The following FER1L6 variants were observed in gnomAD, a reference collection of about 807,000 sequenced individuals.
The protein encoded by FER1L6 is fer-1 like family member 6, also known as fer-1-like protein 6.
A neutral mutation model predicts 219.2 loss-of-function variants in FER1L6; 177 were observed. That is an observed-to-expected ratio of 0.81 (90% CI 0.71 to 0.91). FER1L6 has a LOEUF of 0.91. Among genes scored for constraint, FER1L6 ranks in the 40% least tolerant of loss-of-function variants. FER1L6 has a pLI of 0.00. For synonymous variants in FER1L6, 768 were observed against 824.3 expected, an observed-to-expected ratio of 0.93 and a Z score of 1.17; for missense variants, 2,153 against 2,259.9, an observed-to-expected ratio of 0.95 and a Z score of 0.96.
chr8:123,917,670 A>G (rs1319815205), intron 1 of FER1L6, among the ~76,000 whole-genome samples: 1 of 152,250 alleles, frequency 6.6e-6, no homozygotes, highest in Non-Finnish European at 1.5e-5. Context: ...AAAAAGTAAA[A>G]TTAATCCCAA....
Position 124,018,950 on chromosome 8 carries a change from C to T in FER1L6, c.2013+1232C>T, listed in dbSNP as rs143001829. 2.6e-3 allele frequency among the ~76,000 whole-genome samples: 393 copies of T among 152,342 alleles called. 4 individuals carry two copies. Among genetic ancestry groups the T allele is most frequent in the South Asian group, 8.7e-3 (42 of 4,826 alleles). On this transcript the variant is annotated intron_variant, in intron 16 of 40. Coordinates refer to ENST00000522917, the MANE Select transcript of FER1L6 (RefSeq NM_001039112.2). ...TCTGGAACGAACTCCACTTCTTCAT[C>T]TTCAGAGTCACTGTCTAAACTGAGT...
chr8:124,072,331 T>TGAC (rs1335601374), intron 31 of FER1L6, among the ~76,000 whole-genome samples: 1 of 152,320 alleles, frequency 6.6e-6, no homozygotes, highest in South Asian at 2.1e-4. Flanking sequence ...TTTCTGATAA[T>TGAC]GACAGCACAA....
chr8:124,075,273 G>A (rs544625370), intron 31 of FER1L6, among the ~76,000 whole-genome samples: 2 of 147,598 alleles, frequency 1.4e-5, no homozygotes, highest in South Asian at 2.2e-4. Flanking sequence ...ATCCTTAGTC[G>A]ATTAGCTTTT....
intron 1 of FER1L6, among the ~76,000 whole-genome samples, chr8:123,940,903 G>A (rs114869760): frequency 6.1e-4 from 93 of 152,242 alleles, no homozygotes; most frequent in African/African-American, 2.0e-3. Context: ...GGGAAGGAAA[G>A]GCATGGAGGA....
chr8:124,083,878 C>G (rs1036716698), intron 33 of FER1L6, among the ~76,000 whole-genome samples: 1 of 152,156 alleles, frequency 6.6e-6, no homozygotes, highest in African/African-American at 2.4e-5. Flanking sequence ...GACATTTTAA[C>G]AGTACTGATT....
chr8:124,098,185 C>T lies in FER1L6; in HGVS notation c.4883+302C>T, dbSNP rs147177841. Among the ~76,000 whole-genome samples, 6 of 152,250 alleles carry T rather than the reference C, an allele frequency of 3.9e-5. No homozygotes were observed. In the East Asian group the frequency reaches 1.2e-3, roughly 29 times the overall value. On this transcript the variant is annotated intron_variant, in intron 37 of 40. Transcript: ENST00000522917. ...ATATCTACCTTTAAACAAAAGGAAG[C>T]AGAGTGATGTGGTGCTGTTAATGAA...
intron 15 of FER1L6, 189 bp downstream of exon 15, chr8:124,013,720 C>T (rs1382161007): frequency 7.8e-6 from 3 of 386,532 alleles, no homozygotes; most frequent in Non-Finnish European, 4.7e-6. Flanking sequence ...ACTGTAACAA[C>T]TCAAACATAA....
intron 1 of FER1L6, among the ~76,000 whole-genome samples, chr8:123,938,956 A>C (rs1040078401): frequency 2.0e-5 from 3 of 152,226 alleles, no homozygotes; most frequent in African/African-American, 4.8e-5. Context: ...TTTATTCTTC[A>C]AGGGAAGAGT....
intron 12 of FER1L6, among the ~76,000 whole-genome samples, chr8:123,986,860 A>G (rs1333394692): frequency 2.0e-5 from 3 of 152,206 alleles, no homozygotes; most frequent in African/African-American, 7.2e-5. Context: ...ATTCTTTTTC[A>G]TGGATGAATA....
chr8:123,970,972 A>T (rs906535045), intron 6 of FER1L6, among the ~76,000 whole-genome samples: 1 of 152,162 alleles, frequency 6.6e-6, no homozygotes, highest in Admixed American at 6.6e-5. Flanking sequence ...ATGGCTGGAG[A>T]GTAAGTTTCT....
intron 15 of FER1L6, among the ~76,000 whole-genome samples, chr8:124,016,337 T>C (rs1372361886): frequency 6.6e-6 from 1 of 152,224 alleles, no homozygotes; most frequent in Non-Finnish European, 1.5e-5. Flanking sequence ...GACTTTCAAC[T>C]GCCAGTGGGT....
At chr8:124,116,239 G>T (rs946350733) in intron 39 of FER1L6, among the ~76,000 whole-genome samples, 1 of 152,194 alleles carries the variant, frequency 6.6e-6, no homozygotes, top group South Asian at 2.1e-4. Context: ...CATCTACTTT[G>T]TCAGCTAGCC....
intron 39 of FER1L6, among the ~76,000 whole-genome samples, chr8:124,115,899 T>C (rs1823225539): frequency 6.6e-6 from 1 of 152,064 alleles, no homozygotes. Context: ...ATATGTGTTG[T>C]GCTATGCTAT....
chr8:123,978,426 T>C (rs1306903380), intron 10 of FER1L6, among the ~76,000 whole-genome samples: 1 of 152,000 alleles, frequency 6.6e-6, no homozygotes, highest in Non-Finnish European at 1.5e-5. Context: ...GCTAATCCAC[T>C]GAGCCAGCCA....
chr8:123,970,635 G>T (rs1268736733), intron 6 of FER1L6, among the ~76,000 whole-genome samples: 1 of 152,150 alleles, frequency 6.6e-6, no homozygotes, highest in Non-Finnish European at 1.5e-5. Context: ...TTCAAAAGTT[G>T]CCTCTGAGTG....
At chr8:124,063,268 C>T (rs533965252) in intron 25 of FER1L6, among the ~76,000 whole-genome samples, 2 of 152,112 alleles carry the variant, frequency 1.3e-5, no homozygotes, top group East Asian at 3.9e-4. Context: ...GTCTATAATT[C>T]CTATCTATGA....
intron 1 of FER1L6, among the ~76,000 whole-genome samples, chr8:123,858,211 G>A (rs1350147613): frequency 6.6e-6 from 1 of 152,164 alleles, no homozygotes; most frequent in Non-Finnish European, 1.5e-5. Flanking sequence ...TGAGGTGAGG[G>A]TCTCAAGGCC....
chr8:123,967,203 T>G lies in FER1L6; in HGVS notation c.384+913T>G, dbSNP rs1406244056. On this transcript the variant is annotated intron_variant, in intron 5 of 40. Coordinates refer to ENST00000522917, the MANE Select transcript of FER1L6 (RefSeq NM_001039112.2). Reference sequence around the variant, plus strand: ...ATCCCCAATGCCCTAGTCCTCTCCCTGGAAGCATTCACTCTCACTAGGCAT... The same window carrying G: ...ATCCCCAATGCCCTAGTCCTCTCCCGGGAAGCATTCACTCTCACTAGGCAT... Among the ~76,000 whole-genome samples, 4 of 152,318 alleles carry G rather than the reference T, an allele frequency of 2.6e-5. No homozygotes were observed. In the East Asian group the frequency reaches 7.7e-4, roughly 29 times the overall value.
chr8:123,991,345 A>T (rs1376111766), intron 12 of FER1L6, among the ~76,000 whole-genome samples: 1 of 152,108 alleles, frequency 6.6e-6, no homozygotes, highest in Non-Finnish European at 1.5e-5. Context: ...CATGAGCATG[A>T]GATGTGTTTC....
Sources: allele counts gnomAD v4.1 joint callset (sites outside exome capture counted in the v4.1 genomes callset), GRCh38; gene constraint gnomAD v4.1.1; transcripts MANE v1.5; gene names NCBI Gene and HGNC (gene_info 2026-07-23, HGNC 2026-07-21).